Variants in TNS1 observed in about 807,000 individuals in gnomAD.
TNS1 encodes tensin-1.
Under a neutral mutation model 168.6 loss-of-function variants are expected in TNS1, and 62 were observed. The ratio of observed to expected loss-of-function variants is 0.37; its 90% CI spans 0.30 to 0.45. The LOEUF is 0.45. Ranked by LOEUF, TNS1 falls within the 20% of genes least tolerant of loss-of-function variation. The probability of loss-of-function intolerance (pLI) is 1.00; values close to 1 mark genes in which losing one functional copy is unlikely to be tolerated. For missense variants in TNS1, 2,240 were observed against 2,339.4 expected (o/e 0.96, Z 0.88); for synonymous variants, 934 against 933.2 (o/e 1.00, Z -0.02).
intron 4 of TNS1, among the ~76,000 whole-genome samples, chr2:217,911,979 T>C (rs144045378): frequency 6.6e-6 from 1 of 152,250 alleles, no homozygotes. Flanking sequence ...GAGAACTTCC[T>C]GAATTCGAGG....
chr2:217,903,458 T>C (rs919252847), intron 6 of TNS1: 9 of 1,165,102 alleles, frequency 7.7e-6, no homozygotes, highest in Non-Finnish European at 9.3e-6. Context: ...CTGCCTGTAA[T>C]CCTATTCTTT....
Position 217,937,144 on chromosome 2 carries a change from C to T in TNS1, c.187-16908G>A, listed in dbSNP as rs147882567. The T allele has an allele frequency of 7.4e-4, 308 of 415,426 alleles. 1 individual carries two copies. Among genetic ancestry groups the T allele is most frequent in the African/African-American group, 5.7e-3 (279 of 48,976 alleles). The allele number at this position is 415,426 out of a possible 1,614,324, so 25.7% of individuals were successfully genotyped here. On this transcript the variant is annotated intron_variant, in intron 3 of 32. Coordinates refer to ENST00000682258, the MANE Select transcript of TNS1 (RefSeq NM_001387777.1). ...CTCACATGAGCTGCCTCCTGCTTGA[C>T]ATTCCCACTGCGTTTTGCAGCAACA...
intron 3 of TNS1, among the ~76,000 whole-genome samples, chr2:217,968,940 C>T (rs13009251): frequency 3.3e-5 from 5 of 152,130 alleles, no homozygotes; most frequent in Non-Finnish European, 7.3e-5. Context: ...CTCAAGTGAT[C>T]CACCCACCTC....
rs78638103 is a variant in TNS1, at chr2:217,838,380, G to A, written c.3008-2169C>T. Among the ~76,000 whole-genome samples the A allele has an allele frequency of 8.0e-3, 1,216 of 152,326 alleles. 14 individuals are homozygous for A. The highest frequency in any genetic ancestry group is 0.027 in the African/African-American group (1,118 of 41,586). ...GGGGTGCAGGGGGCACCTGACATCCGTAGAGAATGTGAGATCCTGGCATGA... is the reference window on the plus strand; with the variant it reads ...GGGGTGCAGGGGGCACCTGACATCCATAGAGAATGTGAGATCCTGGCATGA... On this transcript the variant is annotated intron_variant, in intron 19 of 32. Transcript: ENST00000682258.
intron 2 of TNS1, among the ~76,000 whole-genome samples, chr2:217,990,351 A>C (rs1324060316): frequency 1.3e-5 from 2 of 150,490 alleles, no homozygotes; most frequent in African/African-American, 4.9e-5. Flanking sequence ...CACACCAGCC[A>C]CACACCCTCA....
chr2:217,957,192 G>A (rs1257508690), intron 3 of TNS1, among the ~76,000 whole-genome samples: 1 of 152,172 alleles, frequency 6.6e-6, no homozygotes, highest in Admixed American at 6.5e-5. Flanking sequence ...TGGCCCCATG[G>A]TGGCCAGCCC....
At chr2:217,924,972 C>T (rs570398700) in intron 3 of TNS1, among the ~76,000 whole-genome samples, 1 of 152,234 alleles carries the variant, frequency 6.6e-6, no homozygotes, top group East Asian at 1.9e-4. Flanking sequence ...GCTAGGGGTA[C>T]ACAATTACCA....
At chr2:217,864,863 G>A (rs1233995244) in intron 18 of TNS1, among the ~76,000 whole-genome samples, 1 of 152,152 alleles carries the variant, frequency 6.6e-6, no homozygotes, top group African/African-American at 2.4e-5. Flanking sequence ...AAACTGGCTG[G>A]GCAGTTTTAT....
intron 1 of TNS1, among the ~76,000 whole-genome samples, chr2:217,998,455 C>T (rs914763953): frequency 1.1e-4 from 17 of 152,168 alleles, no homozygotes; most frequent in African/African-American, 4.1e-4. Context: ...TGGATTTCCT[C>T]GTTTAATCCT....
At position 217,916,328 on chromosome 2, in the gene TNS1, A is replaced by C. The variant is rs116284001; in HGVS notation, c.228+3867T>G. Among the ~76,000 whole-genome samples, 695 of 150,700 alleles carry C rather than the reference A, an allele frequency of 4.6e-3. 3 individuals are homozygous for C. Among genetic ancestry groups the C allele is most frequent in the African/African-American group, 0.016 (654 of 40,930 alleles). On this transcript the variant is annotated intron_variant, in intron 4 of 32. Coordinates refer to ENST00000682258, the MANE Select transcript of TNS1 (RefSeq NM_001387777.1). ...CCCCACCCTGACCTGCAGACCTCCAAGTCATTCTACAGGGACGTTCCAAGC... is the reference window on the plus strand; with the variant it reads ...CCCCACCCTGACCTGCAGACCTCCACGTCATTCTACAGGGACGTTCCAAGC...
At chr2:217,896,836 T>A (rs1952361354) in intron 8 of TNS1, among the ~76,000 whole-genome samples, 1 of 152,380 alleles carries the variant, frequency 6.6e-6, no homozygotes, top group Middle Eastern at 3.4e-3. Flanking sequence ...CTTATGCATA[T>A]ACTTCCGTAG....
upstream of TNS1, among the ~76,000 whole-genome samples, chr2:218,011,775 G>A (rs916220872): frequency 6.6e-6 from 1 of 152,108 alleles, no homozygotes; most frequent in South Asian, 2.1e-4. Context: ...TCCAGCATTT[G>A]GAGGAGACTA....
At chr2:218,010,511 C>T (rs1958696600), upstream of TNS1, 3 of 232,872 alleles carry the variant, frequency 1.3e-5, no homozygotes, top group East Asian at 8.0e-5. Context: ...CCCCTGGCTG[C>T]GTGACAGCCT....
intron 5 of TNS1, among the ~76,000 whole-genome samples, chr2:217,906,786 T>G (rs1053911030): frequency 6.6e-6 from 1 of 152,176 alleles, no homozygotes; most frequent in Non-Finnish European, 1.5e-5. Flanking sequence ...AGTTTCCCCA[T>G]GGCAGAACCC....
rs1575144524 is a variant in TNS1 at position 217,966,413 on chromosome 2, G to T, written c.186+12352C>A. ...AATTGTTATAAAGCAAGAGAAAGTAGCTTCTCCCCCAAAACCTACCTCATC... is the reference window on the plus strand; with the variant it reads ...AATTGTTATAAAGCAAGAGAAAGTATCTTCTCCCCCAAAACCTACCTCATC... On this transcript the variant is annotated intron_variant, in intron 3 of 32. Coordinates refer to ENST00000682258, the MANE Select transcript of TNS1 (RefSeq NM_001387777.1). Among the ~76,000 whole-genome samples, 6 of 152,212 alleles carry T rather than the reference G, an allele frequency of 3.9e-5. 1 individual carries two copies. In the South Asian group the frequency reaches 1.2e-3, roughly 32 times the overall value.
At chr2:217,873,888 C>A (rs1255240837) in intron 18 of TNS1, among the ~76,000 whole-genome samples, 1 of 152,118 alleles carries the variant, frequency 6.6e-6, no homozygotes, top group Non-Finnish European at 1.5e-5. Flanking sequence ...GCCTGTGCAA[C>A]CCCACCAGGC....
rs558644431 is a variant in TNS1, at chr2:217,931,451, G to A, written c.187-11215C>T. ...TGCTGAGGACCATGCCAACCACCAC[G>A]GGGACATGTGAGGGTAGGTGCGGGG... On this transcript the variant is annotated intron_variant, in intron 3 of 32. Coordinates refer to ENST00000682258, the MANE Select transcript of TNS1 (RefSeq NM_001387777.1). Among the ~76,000 whole-genome samples the A allele has an allele frequency of 1.9e-3, 293 of 152,302 alleles. 1 individual carries two copies. The highest frequency in any genetic ancestry group is 3.2e-3 in the Non-Finnish European group (219 of 68,034).
chr2:217,831,980 C>T (rs1033091315), intron 21 of TNS1, among the ~76,000 whole-genome samples: 6 of 148,014 alleles, frequency 4.1e-5, no homozygotes, highest in African/African-American at 1.5e-4. Context: ...CAGACACACA[C>T]AGTCCATTTA....
intron 3 of TNS1, among the ~76,000 whole-genome samples, chr2:217,961,256 C>CAG (rs539858587): frequency 7.8e-4 from 110 of 141,208 alleles, no homozygotes; most frequent in African/African-American, 2.8e-3. Context: ...CACACACACA[C>CAG]ACACAGAGAG....
Sources: allele counts gnomAD v4.1 joint callset (sites outside exome capture counted in the v4.1 genomes callset), GRCh38; gene constraint gnomAD v4.1.1; transcripts MANE v1.5; gene names NCBI Gene and HGNC (gene_info 2026-07-23, HGNC 2026-07-21).